Variants in TAS2R30 observed in about 807,000 individuals in gnomAD.
TAS2R30 encodes the protein taste receptor type 2 member 30.
For missense variants in TAS2R30, 395 were observed against 371.6 expected, an observed-to-expected ratio of 1.06 and a Z score of -0.52; for synonymous variants, 141 against 131.6, an observed-to-expected ratio of 1.07 and a Z score of -0.49.
exon 1 of TAS2R30, chr12:11,133,459 C>T: frequency 6.2e-7 from 1 of 1,614,058 alleles, no homozygotes; most frequent in Non-Finnish European, 8.5e-7. Flanking sequence ...CTTGGCAGAA[C>T]ATGAAGACAG....
chr12:11,134,022 A>C (rs765203763), exon 1 of TAS2R30: 23 of 1,614,118 alleles, frequency 1.4e-5, no homozygotes, highest in Non-Finnish European at 1.9e-5. Context: ...ACACTATAAA[A>C]AGCTGGATTC....
At position 11,133,887 on chromosome 12, in the gene TAS2R30, G is replaced by A. The variant is rs111498087; in HGVS notation, c.358C>T (p.Arg120Cys). 1.3e-3 allele frequency: 2,033 copies of A among 1,614,078 alleles called. 19 individuals carry two copies. The highest frequency in any genetic ancestry group is 0.01 in the South Asian group (934 of 91,086). The change falls in exon 1 of 1, where the codon CGC (arginine) becomes TGC (cysteine). Residue 120 changes from arginine to cysteine, a missense_variant. Physicochemically the swap from Arg to Cys is radical, Grantham distance 180. Transcript: ENST00000539585. Reference sequence around the variant, plus strand: ...ACACTCTTAACTCTCCTCTTTATGCGAAGAAAAATAAGGTTGGAGAAATTG... The same window carrying A: ...ACACTCTTAACTCTCCTCTTTATGCAAAGAAAAATAAGGTTGGAGAAATTG...
At chr12:11,134,156 A>G (rs1040007850) in exon 1 of TAS2R30, 1 of 1,614,086 alleles carries the variant, frequency 6.2e-7, no homozygotes, top group Non-Finnish European at 8.5e-7. Flanking sequence ...AATGGAATTT[A>G]CCAATGCTAT....
At chr12:11,134,103 G>A (rs113026132) in exon 1 of TAS2R30, 1 of 1,535,362 alleles carries the variant, frequency 6.5e-7, no homozygotes, top group Admixed American at 1.8e-5. Flanking sequence ...AGAGCAGTGA[G>A]AATTTGGTCA....
chr12:11,133,934 A>G, exon 1 of TAS2R30: 2 of 1,614,188 alleles, frequency 1.2e-6, no homozygotes, highest in Non-Finnish European at 1.7e-6. Context: ...CAAATAAAAC[A>G]TGCTGAGGCT....
In TAS2R30 at chr12:11,133,411, G is replaced by C. The variant is rs1946433486; in HGVS notation, c.834C>G (p.Ile278Met). The stretch of plus-strand genomic sequence containing the variant: ...TTAGCTTCTTGTTTCCCAAAATCAG[G>C]ATGAATGGGTGGGTTGAAGGATAGC... The change falls in exon 1 of 1, where the codon ATC becomes ATG. Residue 278 changes from isoleucine to methionine, a missense_variant. Coordinates refer to ENST00000539585, the Ensembl canonical transcript of TAS2R30. The C allele has an allele frequency of 1.9e-6, 3 of 1,613,962 alleles. No individual in the cohort carries two copies. In the African/African-American group the frequency reaches 4.0e-5, roughly 22 times the overall value.
exon 1 of TAS2R30, chr12:11,133,226 A>G: frequency 6.5e-7 from 1 of 1,536,168 alleles, no homozygotes; most frequent in South Asian, 1.3e-5. Flanking sequence ...ATATACATAT[A>G]TTACAGAAAA....
chr12:11,134,199 T>G, exon 1 of TAS2R30: 1 of 1,613,548 alleles, frequency 6.2e-7, no homozygotes, highest in East Asian at 2.2e-5. Flanking sequence ...ATAACAAATA[T>G]AACCACTATT....
At chr12:11,134,500 G>A in exon 1 of TAS2R30, 1 of 463,488 alleles carries the variant, frequency 2.2e-6, no homozygotes. Context: ...TTCACCATCT[G>A]TTCTTGTTAT....
Position 11,134,360 on chromosome 12 carries a change from A to G in TAS2R30, c.-116T>C. On this transcript the variant is annotated 5_prime_UTR_variant, in exon 1 of 1. The change abolishes an upstream ATG in the 5' untranslated region. Transcript: ENST00000539585. ...ACCTGATTTGTGTATGTGCTGTGAC[A>G]TTCTTTTTACTTTTAATTGCTGTGA... 2 of 1,202,854 alleles carry G rather than the reference A, an allele frequency of 1.7e-6. No individual in the cohort carries two copies. The highest frequency in any genetic ancestry group is 1.7e-5 in the South Asian group (1 of 59,970). The allele number at this position is 1,202,854 out of a possible 1,614,324, so 74.5% of individuals were successfully genotyped here. A position where few individuals can be genotyped will look rare whatever the true frequency, so the allele number is the denominator to read the frequency against.
exon 1 of TAS2R30, chr12:11,134,304 C>T: frequency 8.3e-7 from 1 of 1,204,340 alleles, no homozygotes; most frequent in East Asian, 2.5e-5. Context: ...GTTGTGATTG[C>T]TTGAATATCC....
chr12:11,134,157 C>G lies in TAS2R30; in HGVS notation c.88G>C (p.Val30Leu), dbSNP rs766753029. The change falls in exon 1 of 1, where the codon GTA becomes CTA. Residue 30 changes from valine to leucine, a missense_variant. By Grantham distance (32) the Val-to-Leu change is conservative. Coordinates refer to ENST00000539585, the Ensembl canonical transcript of TAS2R30. The stretch of plus-strand genomic sequence containing the variant: ...CTCTTGACCCACTCAATGGAATTTA[C>G]CAATGCTATGAAGCCATTAGCAAAA... 5 of 1,614,024 alleles carry G rather than the reference C, an allele frequency of 3.1e-6. No individual in the cohort carries two copies. The South Asian group carries it at 4.4e-5, about 14-fold the overall frequency.
exon 1 of TAS2R30, chr12:11,134,163 C>T (rs1178773603): frequency 6.2e-6 from 10 of 1,613,974 alleles, no homozygotes; most frequent in Admixed American, 1.7e-5. Context: ...TTTACCAATG[C>T]TATGAAGCCA....
exon 1 of TAS2R30, chr12:11,134,445 T>C (rs1946488181): frequency 1.6e-6 from 1 of 610,364 alleles, no homozygotes; most frequent in Non-Finnish European, 2.7e-6. Flanking sequence ...GCTCTCTTTA[T>C]GGAAAACATT....
At chr12:11,133,120 TAC>T (rs10645657) in exon 1 of TAS2R30, 1,156 of 493,632 alleles carry the variant, frequency 2.3e-3, no homozygotes, top group South Asian at 4.4e-3. Context: ...CAGTTTTTCA[TAC>T]ACACACACAC....
At chr12:11,133,921 G>A (rs1946463750) in exon 1 of TAS2R30, 1 of 1,614,028 alleles carries the variant, frequency 6.2e-7, no homozygotes. Context: ...TGGCAATCCT[G>A]AGCAAATAAA....
chr12:11,133,124 C>CACAA lies in TAS2R30; in HGVS notation c.*160_*161insTTGT, dbSNP rs527613432. The CACAA allele has an allele frequency of 1.2e-3, 916 of 787,576 alleles. 4 individuals are homozygous for CACAA. The African/African-American group carries it at 0.015, about 13-fold the overall frequency. 48.8% of individuals were successfully genotyped at this position (787,576 alleles called of 1,614,324 possible). ...TCAATGTTCTTCAGTTTTTCATACACACACACACACACACACACATCTATA... is the reference window on the plus strand; with the variant it reads ...TCAATGTTCTTCAGTTTTTCATACACACAAACACACACACACACACACATCTATA... On this transcript the variant is annotated 3_prime_UTR_variant, in exon 1 of 1. Coordinates refer to ENST00000539585, the Ensembl canonical transcript of TAS2R30.
exon 1 of TAS2R30, chr12:11,133,496 C>A: frequency 6.2e-7 from 1 of 1,614,114 alleles, no homozygotes; most frequent in Non-Finnish European, 8.5e-7. Context: ...CCCAAAATTA[C>A]AAACTGATAT....
At chr12:11,133,018 G>A in exon 1 of TAS2R30, 1 of 381,556 alleles carries the variant, frequency 2.6e-6, no homozygotes. Context: ...AAATAAACAT[G>A]GCTTCATAAT....
Sources: allele counts gnomAD v4.1 joint callset, GRCh38; gene constraint gnomAD v4.1.1; transcripts MANE v1.5; gene names NCBI Gene and HGNC (gene_info 2026-07-23, HGNC 2026-07-21).